Variants in CCDC141 observed in about 807,000 individuals in gnomAD.
CCDC141 encodes coiled-coil domain-containing protein 141.
Under a neutral mutation model 181.0 loss-of-function variants are expected in CCDC141, and 168 were observed. That is an observed-to-expected ratio of 0.93 (90% CI 0.82 to 1.05). The LOEUF (loss-of-function observed/expected upper bound fraction) is 1.05, where lower values mean the gene tolerates loss of function less well. CCDC141 is among the 50% of genes least tolerant of loss of function. CCDC141 has a pLI of 0.00. For synonymous variants in CCDC141, 666 were observed against 642.3 expected (o/e 1.04, Z -0.56); for missense variants, 1,902 against 1,788.5 (o/e 1.06, Z -1.14).
chr2:179,023,093 A>G (rs1301268569), intron 2 of CCDC141, among the ~76,000 whole-genome samples: 1 of 152,180 alleles, frequency 6.6e-6, no homozygotes, highest in Non-Finnish European at 1.5e-5. Flanking sequence ...CTTCCTAGCT[A>G]TATGACCAGG....
rs149455032 is a variant in CCDC141 at position 178,856,195 on chromosome 2, G to A, written c.2865+62C>T. ...TAGATTTGAAATTCAAAACAATTTT[G>A]CAATAATTGTGTAGTACATGCATAC... is the stretch of plus-strand genomic sequence containing the variant. On this transcript the variant is annotated intron_variant, in intron 18 of 23. Transcript: ENST00000443758. 1.9e-5 allele frequency: 26 copies of A among 1,362,092 alleles called. No individual in the cohort carries two copies. In the East Asian group the frequency reaches 4.7e-4, roughly 25 times the overall value. 84.4% of individuals were successfully genotyped at this position (1,362,092 alleles called of 1,614,324 possible).
intron 11 of CCDC141, among the ~76,000 whole-genome samples, chr2:178,883,507 T>C (rs1686725667): frequency 1.3e-5 from 2 of 151,686 alleles, no homozygotes; most frequent in South Asian, 4.2e-4. Flanking sequence ...AAGGATGCAG[T>C]GGTGAATTGA....
At chr2:178,978,153 T>C (rs182472454) in intron 3 of CCDC141, among the ~76,000 whole-genome samples, 1 of 152,298 alleles carries the variant, frequency 6.6e-6, no homozygotes, top group African/African-American at 2.4e-5. Context: ...AATCCTACCA[T>C]CAGGTAATTG....
At chr2:178,994,267 T>C (rs1471935158) in intron 2 of CCDC141, among the ~76,000 whole-genome samples, 1 of 152,218 alleles carries the variant, frequency 6.6e-6, no homozygotes, top group Non-Finnish European at 1.5e-5. Context: ...CATCCAGACA[T>C]TTCCATACAT....
At chr2:178,943,367 C>T (rs1276141430) in intron 6 of CCDC141, among the ~76,000 whole-genome samples, 3 of 152,160 alleles carry the variant, frequency 2.0e-5, no homozygotes, top group Admixed American at 6.5e-5. Flanking sequence ...AAACCAAAGA[C>T]TTTGAATGCC....
chr2:178,840,088 T>C (rs909503175), intron 22 of CCDC141, among the ~76,000 whole-genome samples: 2 of 152,240 alleles, frequency 1.3e-5, no homozygotes, highest in Non-Finnish European at 2.9e-5. Flanking sequence ...ATTGGCCTCC[T>C]GGAGCTACAC....
chr2:178,966,919 G>T (rs1323881413), intron 4 of CCDC141, among the ~76,000 whole-genome samples: 1 of 151,496 alleles, frequency 6.6e-6, no homozygotes, highest in Non-Finnish European at 1.5e-5. Flanking sequence ...TGACCTCATG[G>T]AGCTGAAAAA....
chr2:178,986,917 C>T (rs1173943255), intron 2 of CCDC141, among the ~76,000 whole-genome samples: 1 of 151,896 alleles, frequency 6.6e-6, no homozygotes, highest in Non-Finnish European at 1.5e-5. Flanking sequence ...GATTCAATGC[C>T]ATCCCCATCA....
chr2:178,819,576 A>G, the CCDC141 span, among the ~76,000 whole-genome samples: 1 of 152,214 alleles, frequency 6.6e-6, no homozygotes, highest in South Asian at 2.1e-4. Context: ...GTTTCCTTAA[A>G]TAGTGGTTCT....
At chr2:179,029,538 A>G (rs1292615987) in intron 2 of CCDC141, among the ~76,000 whole-genome samples, 4 of 152,278 alleles carry the variant, frequency 2.6e-5, no homozygotes, top group African/African-American at 7.2e-5. Flanking sequence ...TAAAAACTTT[A>G]TTTTGCAATA....
intron 6 of CCDC141, among the ~76,000 whole-genome samples, chr2:178,924,397 C>T (rs1268897001): frequency 1.3e-5 from 2 of 151,958 alleles, no homozygotes; most frequent in Non-Finnish European, 2.9e-5. Flanking sequence ...CTCATTGACA[C>T]AAAATCATAG....
chr2:179,034,900 A>ATTCC (rs1304207963), intron 2 of CCDC141, among the ~76,000 whole-genome samples: 1 of 152,152 alleles, frequency 6.6e-6, no homozygotes, highest in Non-Finnish European at 1.5e-5. Context: ...AATATGAAGG[A>ATTCC]TTATAACCAT....
chr2:178,834,988 A>G (rs921843416), intron 23 of CCDC141, among the ~76,000 whole-genome samples: 2 of 152,130 alleles, frequency 1.3e-5, no homozygotes, highest in Non-Finnish European at 2.9e-5. Context: ...ATGAAAATTC[A>G]GATATCCAGC....
At chr2:178,988,379 T>G (rs1691860812) in intron 2 of CCDC141, among the ~76,000 whole-genome samples, 2 of 147,962 alleles carry the variant, frequency 1.4e-5, no homozygotes, top group African/African-American at 5.0e-5. Flanking sequence ...AGATGACGAG[T>G]TAGTGGGTGC....
chr2:178,984,412 G>C (rs528328069), intron 2 of CCDC141, among the ~76,000 whole-genome samples: 1 of 150,446 alleles, frequency 6.6e-6, no homozygotes, highest in Non-Finnish European at 1.5e-5. Flanking sequence ...ATCAACTAAC[G>C]AGCAAAATCA....
At chr2:178,935,757 A>AC (rs1048536980) in intron 6 of CCDC141, among the ~76,000 whole-genome samples, 3 of 152,066 alleles carry the variant, frequency 2.0e-5, no homozygotes, top group South Asian at 4.2e-4. Context: ...CTGCAACTTC[A>AC]CCAACATCTG....
intron 7 of CCDC141, among the ~76,000 whole-genome samples, chr2:178,914,954 G>A (rs767369260): frequency 6.6e-6 from 1 of 152,126 alleles, no homozygotes; most frequent in Non-Finnish European, 1.5e-5. Context: ...AGGCCAAGGA[G>A]GGTGGATCCC....
At chr2:178,978,443 G>C (rs1167495595) in intron 3 of CCDC141, 41 bp downstream of exon 3, 2 of 1,253,294 alleles carry the variant, frequency 1.6e-6, no homozygotes, top group Non-Finnish European at 2.1e-6. Flanking sequence ...CTATTCATTT[G>C]CTCTGATGTG....
intron 8 of CCDC141, among the ~76,000 whole-genome samples, chr2:178,899,062 C>T (rs1171687037): frequency 6.6e-6 from 1 of 152,154 alleles, no homozygotes; most frequent in African/African-American, 2.4e-5. Context: ...CACTGTATAA[C>T]ATTTCAATCA....
Sources: allele counts gnomAD v4.1 joint callset (sites outside exome capture counted in the v4.1 genomes callset), GRCh38; gene constraint gnomAD v4.1.1; transcripts MANE v1.5; gene names NCBI Gene and HGNC (gene_info 2026-07-23, HGNC 2026-07-21).